Variants in AP1G1 observed in about 807,000 individuals in gnomAD.
AP1G1 encodes the protein AP-1 complex subunit gamma-1.
AP1G1 carries 7 observed loss-of-function variants against 108.3 expected under a neutral mutation model. That is an observed-to-expected ratio of 0.06 (90% CI 0.04 to 0.12). AP1G1 has a LOEUF of 0.12. AP1G1 is among the 10% of genes least tolerant of loss of function. AP1G1 has a pLI of 1.00. For synonymous variants in AP1G1, 379 were observed against 353.5 expected (o/e 1.07, Z -0.81); for missense variants, 756 against 1,010.7 (o/e 0.75, Z 3.42).
intron 1 of AP1G1, among the ~76,000 whole-genome samples, chr16:71,797,014 A>T (rs2032609789): frequency 8.0e-6 from 1 of 125,456 alleles, no homozygotes; most frequent in Admixed American, 8.9e-5. Flanking sequence ...TTAAAAAAAA[A>T]ATTATATATA....
At chr16:71,745,686 C>T in intron 17 of AP1G1, 72 bp from the exon 18 acceptor site, 2 of 1,275,972 alleles carry the variant, frequency 1.6e-6, no homozygotes, top group South Asian at 1.2e-5. Context: ...TCACCATTAA[C>T]TATGTTGAGC....
At chr16:71,783,426 T>C (rs1370986971) in intron 2 of AP1G1, among the ~76,000 whole-genome samples, 1 of 152,034 alleles carries the variant, frequency 6.6e-6, no homozygotes, top group Non-Finnish European at 1.5e-5. Flanking sequence ...ACAACATAAT[T>C]ATTTAAAATT....
At chr16:71,791,457 C>A (rs926241886) in intron 1 of AP1G1, among the ~76,000 whole-genome samples, 7 of 152,066 alleles carry the variant, frequency 4.6e-5, no homozygotes, top group Middle Eastern at 6.8e-3. Context: ...ACTCAAGTAA[C>A]AAAACATTAC....
intron 1 of AP1G1, among the ~76,000 whole-genome samples, chr16:71,800,526 G>A (rs779527942): frequency 6.6e-6 from 1 of 151,544 alleles, no homozygotes; most frequent in Admixed American, 6.6e-5. Context: ...CTCGGGTCGG[G>A]TGCGGGGGCT....
intron 1 of AP1G1, among the ~76,000 whole-genome samples, chr16:71,797,975 G>A (rs1274294623): frequency 6.6e-6 from 1 of 152,060 alleles, no homozygotes; most frequent in Non-Finnish European, 1.5e-5. Context: ...AGTTAGAAAT[G>A]GAGGGTAAAC....
intron 1 of AP1G1, chr16:71,806,559 C>T (rs2033003635): frequency 6.1e-6 from 3 of 489,418 alleles, no homozygotes; most frequent in South Asian, 6.1e-5. Flanking sequence ...CATTTAAATA[C>T]CAATATATTA....
chr16:71,752,869 C>G (rs2030577150), intron 13 of AP1G1, among the ~76,000 whole-genome samples: 1 of 152,034 alleles, frequency 6.6e-6, no homozygotes, highest in Non-Finnish European at 1.5e-5. Context: ...AAAATTTTTT[C>G]AAATGTTAAT....
In AP1G1 at chr16:71,745,276, C is replaced by A. The variant is rs767496352; in HGVS notation, c.1873-6G>T. On this transcript the variant is annotated splice_polypyrimidine_tract_variant and splice_region_variant and intron_variant, in intron 18 of 22. Transcript: ENST00000299980. ...AAATCCAATAAATCATTGGCCTAAA[C>A]AAGGTAACAACACCTCAATTCATTA... The A allele has an allele frequency of 2.5e-6, 4 of 1,614,012 alleles. No individual in the cohort carries two copies. The African/African-American group carries it at 4.0e-5, about 16-fold the overall frequency.
At chr16:71,771,056 G>A (rs956275025) in intron 5 of AP1G1, 100 bp downstream of exon 5, 20 of 655,748 alleles carry the variant, frequency 3.0e-5, no homozygotes, top group South Asian at 2.8e-4. Flanking sequence ...GCAGAAACGC[G>A]ACTCCACTGT....
chr16:71,804,908 T>C (rs899381534), intron 1 of AP1G1, among the ~76,000 whole-genome samples: 2 of 152,086 alleles, frequency 1.3e-5, no homozygotes, highest in Admixed American at 6.6e-5. Context: ...CTTAGGAGGC[T>C]GAAGTGGGAG....
At chr16:71,768,653 C>T (rs1408419744) in intron 6 of AP1G1, among the ~76,000 whole-genome samples, 3 of 151,524 alleles carry the variant, frequency 2.0e-5, no homozygotes, top group East Asian at 1.9e-4. Context: ...CGGTGGCTCA[C>T]GCCTGTAATC....
chr16:71,791,763 C>CTTTTT (rs34099153), intron 1 of AP1G1, among the ~76,000 whole-genome samples: 2 of 113,384 alleles, frequency 1.8e-5, no homozygotes, highest in African/African-American at 3.4e-5. Flanking sequence ...TAAACTCTGA[C>CTTTTT]TTTTTTTTTT....
intron 19 of AP1G1, among the ~76,000 whole-genome samples, chr16:71,740,931 TCA>T (rs138589422): frequency 2.0e-5 from 3 of 152,012 alleles, no homozygotes; most frequent in African/African-American, 4.8e-5. Context: ...AATAAAATTT[TCA>T]CACACACACA....
intron 1 of AP1G1, among the ~76,000 whole-genome samples, chr16:71,798,967 G>A (rs376918158): frequency 1.3e-5 from 2 of 151,376 alleles, no homozygotes; most frequent in Admixed American, 6.6e-5. Flanking sequence ...TTCCATAAGC[G>A]CTCCTACAGG....
intron 12 of AP1G1, among the ~76,000 whole-genome samples, chr16:71,754,755 G>A (rs944864895): frequency 5.3e-5 from 8 of 152,014 alleles, no homozygotes; most frequent in Non-Finnish European, 1.2e-4. Flanking sequence ...AGCTATGACT[G>A]GGCCACTGCC....
chr16:71,760,034 A>G (rs1356442061), intron 10 of AP1G1, among the ~76,000 whole-genome samples: 1 of 151,922 alleles, frequency 6.6e-6, no homozygotes, highest in East Asian at 1.9e-4. Context: ...CATTTTATTT[A>G]TGTATTTATT....
chr16:71,744,113 G>A lies in AP1G1; in HGVS notation c.1999+1031C>T, dbSNP rs111377903. On this transcript the variant is annotated intron_variant, in intron 19 of 22. Transcript: ENST00000299980. ...CGAAAATTAGCCAGGGCATGGTGGTGCGTGCCTGTGATCCCAGCTACTCAG... is the reference window on the plus strand; with the variant it reads ...CGAAAATTAGCCAGGGCATGGTGGTACGTGCCTGTGATCCCAGCTACTCAG... Among the ~76,000 whole-genome samples the A allele has an allele frequency of 8.6e-4, 129 of 150,280 alleles. 1 individual carries two copies. The highest frequency in any genetic ancestry group is 3.0e-3 in the African/African-American group (121 of 40,818).
At chr16:71,779,995 G>GGTT (rs774687282) in intron 2 of AP1G1, among the ~76,000 whole-genome samples, 2 of 129,636 alleles carry the variant, frequency 1.5e-5, no homozygotes, top group African/African-American at 5.7e-5. Context: ...GTTTTTTTTT[G>GGTT]TTTTTTTTTT....
At chr16:71,807,956 T>A (rs1215595256) in intron 1 of AP1G1, 1 of 1,256,694 alleles carries the variant, frequency 8.0e-7, no homozygotes, top group Non-Finnish European at 1.0e-6. Context: ...TTGACAGCTC[T>A]TGCCTCCCAA....
Sources: allele counts gnomAD v4.1 joint callset (sites outside exome capture counted in the v4.1 genomes callset), GRCh38; gene constraint gnomAD v4.1.1; transcripts MANE v1.5; gene names NCBI Gene and HGNC (gene_info 2026-07-23, HGNC 2026-07-21).